Variants in ZSWIM6 observed in about 807,000 individuals in gnomAD.
ZSWIM6 encodes zinc finger SWIM-type containing 6.
Under a neutral mutation model 113.2 loss-of-function variants are expected in ZSWIM6, and 9 were observed. The ratio of observed to expected loss-of-function variants is 0.08; its 90% CI spans 0.05 to 0.14. ZSWIM6 has a LOEUF of 0.14. Ranked by LOEUF, ZSWIM6 falls within the 10% of genes least tolerant of loss-of-function variation. The probability of loss-of-function intolerance (pLI) is 1.00; values close to 1 mark genes in which losing one functional copy is unlikely to be tolerated. For synonymous variants in ZSWIM6, 611 were observed against 606.5 expected (o/e 1.01, Z -0.11); for missense variants, 1,162 against 1,552.2 (o/e 0.75, Z 4.22).
At chr5:61,508,360 G>A (rs922942605) in intron 4 of ZSWIM6, among the ~76,000 whole-genome samples, 2 of 152,098 alleles carry the variant, frequency 1.3e-5, no homozygotes, top group East Asian at 1.9e-4. Flanking sequence ...GATAAAATTA[G>A]CATACAAACC....
chr5:61,347,113 G>A (rs1408284712), intron 1 of ZSWIM6: 1 of 153,538 alleles, frequency 6.5e-6, no homozygotes, highest in Non-Finnish European at 1.4e-5. Context: ...ATTTGTTTCA[G>A]TAGCTCATAG....
At chr5:61,458,865 G>A (rs918357111) in intron 1 of ZSWIM6, among the ~76,000 whole-genome samples, 2 of 148,052 alleles carry the variant, frequency 1.4e-5, no homozygotes, top group Admixed American at 6.8e-5. Flanking sequence ...GCAACAGAGC[G>A]AGATTCCTTC....
intron 2 of ZSWIM6, among the ~76,000 whole-genome samples, chr5:61,475,695 G>A (rs1313692553): frequency 6.6e-6 from 1 of 152,172 alleles, no homozygotes; most frequent in Non-Finnish European, 1.5e-5. Flanking sequence ...TAAAAAAGAA[G>A]AGAGGTAGGA....
rs1296792816 is a variant in ZSWIM6, at chr5:61,472,952, A to G, written c.948A>G (p.Thr316=). Residue 316 remains threonine, a synonymous_variant, in exon 2 of 14, where the codon ACA becomes ACG. Coordinates refer to ENST00000252744, the MANE Select transcript of ZSWIM6 (RefSeq NM_020928.2). This position sits in a 1 kb window ranked among gnomAD's most constrained non-coding sequence, Gnocchi z 4.1. ...QLQKFVQYLI[T]VHHTEVLPTA... ...AAAAGTTTGTACAGTATTTGATCAC[A>G]GTGCACCACACAGAAGTTTTGCCAA... 1 of 1,550,606 alleles carries G rather than the reference A, an allele frequency of 6.4e-7. No homozygotes were observed. Among genetic ancestry groups the G allele is most frequent in the Non-Finnish European group, 8.7e-7 (1 of 1,146,296 alleles).
rs1157341460 is a variant in ZSWIM6 at position 61,538,920 on chromosome 5, A to T, written c.2488A>T (p.Ile830Phe). ...RYPRWFTLSHIESQQCELAST... is the reference protein window; with the variant it reads ...RYPRWFTLSHFESQQCELAST... ...CCCTCGCTGGTTCACTCTAAGCCAC[A>T]TTGAGTCCCAGCAGTGTGAGCTGGC... The change falls in exon 11 of 14, where the codon ATT becomes TTT. Residue 830 changes from isoleucine to phenylalanine, a missense_variant. Coordinates refer to ENST00000252744, the MANE Select transcript of ZSWIM6 (RefSeq NM_020928.2). 6.4e-7 allele frequency: 1 copy of T among 1,552,154 alleles called. No homozygotes were observed. The highest frequency in any genetic ancestry group is 1.2e-5 in the South Asian group (1 of 84,058).
At chr5:61,429,399 G>C (rs1746532911) in intron 1 of ZSWIM6, among the ~76,000 whole-genome samples, 1 of 152,224 alleles carries the variant, frequency 6.6e-6, no homozygotes, top group African/African-American at 2.4e-5. Flanking sequence ...AGGGCGTTGG[G>C]AATGAAGAAG....
intron 1 of ZSWIM6, among the ~76,000 whole-genome samples, chr5:61,462,598 CT>C (rs1747343178): frequency 6.6e-6 from 1 of 152,208 alleles, no homozygotes. Flanking sequence ...CTCCTGGGAG[CT>C]TGGCATTTCC....
chr5:61,457,272 A>G (rs920691924), intron 1 of ZSWIM6, among the ~76,000 whole-genome samples: 1 of 152,222 alleles, frequency 6.6e-6, no homozygotes, highest in African/African-American at 2.4e-5. Flanking sequence ...TTGAATTATT[A>G]TGAAACGTTT....
intron 1 of ZSWIM6, among the ~76,000 whole-genome samples, chr5:61,371,838 AC>A (rs1745269744): frequency 6.6e-6 from 1 of 152,056 alleles, no homozygotes; most frequent in African/African-American, 2.4e-5. Flanking sequence ...GAGAAAGTTG[AC>A]CTATTGTATT....
intron 1 of ZSWIM6, among the ~76,000 whole-genome samples, chr5:61,434,680 C>T (rs891444999): frequency 6.6e-6 from 1 of 152,090 alleles, no homozygotes; most frequent in Non-Finnish European, 1.5e-5. Context: ...TTTTCTTCAT[C>T]CACTTGTTGG....
At chr5:61,413,044 T>C (rs1267459794) in intron 1 of ZSWIM6, among the ~76,000 whole-genome samples, 1 of 151,930 alleles carries the variant, frequency 6.6e-6, no homozygotes, top group Non-Finnish European at 1.5e-5. Context: ...TATTATACTT[T>C]AAGTTTTAGG....
intron 1 of ZSWIM6, among the ~76,000 whole-genome samples, chr5:61,438,879 A>G (rs1746767142): frequency 6.6e-6 from 1 of 152,164 alleles, no homozygotes; most frequent in African/African-American, 2.4e-5. Context: ...TTAATGGAGA[A>G]ACATTTTATA....
At chr5:61,454,849 G>C (rs1435584914) in intron 1 of ZSWIM6, among the ~76,000 whole-genome samples, 1 of 150,970 alleles carries the variant, frequency 6.6e-6, no homozygotes, top group South Asian at 2.1e-4. Flanking sequence ...CTCCCAAAGT[G>C]CTGGGATTAC....
At chr5:61,341,010 C>T (rs923578534) in intron 1 of ZSWIM6, among the ~76,000 whole-genome samples, 1 of 152,174 alleles carries the variant, frequency 6.6e-6, no homozygotes, top group Non-Finnish European at 1.5e-5. Flanking sequence ...ACAGCAAGTC[C>T]TTGAATAACA....
intron 1 of ZSWIM6, among the ~76,000 whole-genome samples, chr5:61,365,435 T>G (rs938120544): frequency 6.6e-5 from 10 of 152,174 alleles, no homozygotes; most frequent in Non-Finnish European, 1.5e-4. Context: ...TGAAAAATGT[T>G]TGGGAATGGC....
In ZSWIM6 at chr5:61,375,872, G is replaced by A. The variant is rs1256097696; in HGVS notation, c.676+42924G>A. ...TCACCGTAACATTAAGAAAAATCAG[G>A]ATTCCCTTATAAAGAAAGTGCAATG... On this transcript the variant is annotated intron_variant, in intron 1 of 13. Coordinates refer to ENST00000252744, the MANE Select transcript of ZSWIM6 (RefSeq NM_020928.2). 1.7e-5 allele frequency: 17 copies of A among 1,005,336 alleles called. No individual in the cohort carries two copies. In the African/African-American group the frequency reaches 2.3e-4, roughly 14 times the overall value. The allele number at this position is 1,005,336 out of a possible 1,614,324, so 62.3% of individuals were successfully genotyped here. A position where few individuals can be genotyped will look rare whatever the true frequency, so the allele number is the denominator to read the frequency against.
chr5:61,535,628 TCACAGCCCAG>T lies in ZSWIM6; in HGVS notation c.2381+11_2381+20del. 6.4e-7 allele frequency: 1 copy of T among 1,550,822 alleles called. No individual in the cohort carries two copies. The highest frequency in any genetic ancestry group is 8.7e-7 in the Non-Finnish European group (1 of 1,146,526). ...GCACTGAGAGCAATGCGGTATGTAT[TCACAGCCCAG>T]CTGGGCAGAGGCAGGCCACATTCCC... On this transcript the variant is annotated intron_variant, in intron 10 of 13. Coordinates refer to ENST00000252744, the MANE Select transcript of ZSWIM6 (RefSeq NM_020928.2).
At chr5:61,362,202 T>G (rs1561207402) in intron 1 of ZSWIM6, among the ~76,000 whole-genome samples, 1 of 145,204 alleles carries the variant, frequency 6.9e-6, no homozygotes, top group Non-Finnish European at 1.5e-5. Context: ...TCTTACTCAC[T>G]TTTTTTTTTT....
chr5:61,545,340 A>C lies in ZSWIM6; in HGVS notation c.*1023A>C, dbSNP rs1749858492. 6.6e-6 allele frequency: 1 copy of C among 152,162 alleles called. No homozygotes were observed. Among genetic ancestry groups the C allele is most frequent in the African/African-American group, 2.4e-5 (1 of 41,422 alleles). The allele number at this position is 152,162 out of a possible 1,614,324, so 9.4% of individuals were successfully genotyped here. A position where few individuals can be genotyped will look rare whatever the true frequency, so the allele number is the denominator to read the frequency against. On this transcript the variant is annotated 3_prime_UTR_variant, in exon 14 of 14. Transcript: ENST00000252744. ...TACACCACACATGCTTATAACAGGCACTAGAATAAAGAGGGACAACAAAAT... is the reference window on the plus strand; with the variant it reads ...TACACCACACATGCTTATAACAGGCCCTAGAATAAAGAGGGACAACAAAAT...
Sources: allele counts gnomAD v4.1 joint callset (sites outside exome capture counted in the v4.1 genomes callset), GRCh38; gene constraint gnomAD v4.1.1; non-coding constraint Gnocchi (gnomAD v3.1); transcripts MANE v1.5; gene names NCBI Gene and HGNC (gene_info 2026-07-23, HGNC 2026-07-21).